The following H2BN1 variants were observed in gnomAD, a reference collection of about 807,000 sequenced individuals.
H2BN1 encodes histone H2B.N.
the H2BN1 span, among the ~76,000 whole-genome samples, chr17:32,899,493 G>T: frequency 3.9e-5 from 6 of 152,140 alleles, no homozygotes; most frequent in African/African-American, 1.2e-4. Context: ...TTCCTAAGGG[G>T]CTTTTATTGG....
the H2BN1 span, among the ~76,000 whole-genome samples, chr17:32,897,044 T>C: frequency 6.6e-6 from 1 of 152,184 alleles, no homozygotes; most frequent in Non-Finnish European, 1.5e-5. Flanking sequence ...CTCCCAAGGC[T>C]TGGGTCTGTG....
the H2BN1 span, among the ~76,000 whole-genome samples, chr17:32,900,743 G>A: frequency 1.3e-5 from 2 of 151,912 alleles, no homozygotes; most frequent in African/African-American, 2.4e-5. Flanking sequence ...CACCACACCT[G>A]GCTAATTTTT....
At chr17:32,902,155 CT>C in the H2BN1 span, among the ~76,000 whole-genome samples, 1 of 150,960 alleles carries the variant, frequency 6.6e-6, no homozygotes. Context: ...TTCTTCACAT[CT>C]TTCTTACTTC....
At chr17:32,906,413 C>T in the H2BN1 span, 1 of 152,144 alleles carries the variant, frequency 6.6e-6, no homozygotes, top group Middle Eastern at 3.2e-3. Flanking sequence ...TAAAATGACT[C>T]ACTTGTCAAA....
the H2BN1 span, among the ~76,000 whole-genome samples, chr17:32,900,252 G>C: frequency 6.6e-6 from 1 of 152,124 alleles, no homozygotes; most frequent in Non-Finnish European, 1.5e-5. Context: ...TATCATTTTA[G>C]ATTTGACTTG....
chr17:32,896,271 A>G, the H2BN1 span, among the ~76,000 whole-genome samples: 3 of 152,100 alleles, frequency 2.0e-5, no homozygotes, highest in Non-Finnish European at 4.4e-5. Context: ...TTTGCCACCT[A>G]GTCTGTTTTG....
At chr17:32,901,034 C>G in the H2BN1 span, among the ~76,000 whole-genome samples, 1 of 151,878 alleles carries the variant, frequency 6.6e-6, no homozygotes, top group Non-Finnish European at 1.5e-5. Flanking sequence ...ATGGTGAAAC[C>G]CTGTCTCTAC....
the H2BN1 span, among the ~76,000 whole-genome samples, chr17:32,897,416 G>C: frequency 6.8e-6 from 1 of 147,584 alleles, no homozygotes; most frequent in East Asian, 2.0e-4. Flanking sequence ...GCTGAGAGCA[G>C]TGTGAAAATA....
At chr17:32,905,689 T>C in the H2BN1 span, 5 of 152,182 alleles carry the variant, frequency 3.3e-5, no homozygotes, top group Non-Finnish European at 5.9e-5. Flanking sequence ...AATCAGTATG[T>C]ATAAGATGTA....
chr17:32,899,123 G>A, the H2BN1 span, among the ~76,000 whole-genome samples: 2 of 152,266 alleles, frequency 1.3e-5, no homozygotes, highest in Middle Eastern at 6.8e-3. Flanking sequence ...ATTTTTCTCT[G>A]TCTAGTTTAC....
the H2BN1 span, among the ~76,000 whole-genome samples, chr17:32,903,713 G>T: frequency 6.6e-6 from 1 of 152,254 alleles, no homozygotes. Context: ...CAAACTTAGG[G>T]CTCTTTTTCT....
chr17:32,897,891 A>C, the H2BN1 span, among the ~76,000 whole-genome samples: 1 of 152,256 alleles, frequency 6.6e-6, no homozygotes, highest in South Asian at 2.1e-4. Flanking sequence ...TGAAATATAA[A>C]GTGGGAAAGC....
chr17:32,895,642 G>A, the H2BN1 span, among the ~76,000 whole-genome samples: 2 of 152,138 alleles, frequency 1.3e-5, no homozygotes, highest in Non-Finnish European at 2.9e-5. Context: ...GCTTAGAATG[G>A]CCAAGAGAGG....
At chr17:32,903,282 T>C in the H2BN1 span, among the ~76,000 whole-genome samples, 1 of 152,028 alleles carries the variant, frequency 6.6e-6, no homozygotes, top group African/African-American at 2.4e-5. Context: ...AAAAACTTTT[T>C]TTTTCCTATC....
the H2BN1 span, chr17:32,906,184 C>T: frequency 6.6e-6 from 1 of 152,174 alleles, no homozygotes; most frequent in South Asian, 2.1e-4. Flanking sequence ...TGCCATTTCT[C>T]CCCTAGATCC....
At chr17:32,900,022 AAAC>A in the H2BN1 span, among the ~76,000 whole-genome samples, 2 of 152,374 alleles carry the variant, frequency 1.3e-5, no homozygotes, top group South Asian at 2.1e-4. Flanking sequence ...GGACCAAAGC[AAAC>A]AACAATTGTC....
At chr17:32,899,927 T>C in the H2BN1 span, among the ~76,000 whole-genome samples, 4 of 152,242 alleles carry the variant, frequency 2.6e-5, no homozygotes, top group Non-Finnish European at 5.9e-5. Context: ...TATTCTGATG[T>C]CACAGTCTCC....
chr17:32,896,174 C>T, the H2BN1 span, among the ~76,000 whole-genome samples: 1 of 152,130 alleles, frequency 6.6e-6, no homozygotes, highest in South Asian at 2.1e-4. Flanking sequence ...TGTTGGCCTC[C>T]CAAAGTGTTG....
At chr17:32,899,839 A>G in the H2BN1 span, among the ~76,000 whole-genome samples, 1 of 152,218 alleles carries the variant, frequency 6.6e-6, no homozygotes, top group Non-Finnish European at 1.5e-5. Flanking sequence ...TCAGAAGTCA[A>G]AAAGATTATT....
Sources: gnomAD v4.1 joint callset for allele counts (sites outside exome capture counted in the v4.1 genomes callset) on GRCh38, gnomAD v4.1.1 for gene constraint, MANE v1.5 for transcripts, NCBI Gene and HGNC (gene_info 2026-07-23, HGNC 2026-07-21) for gene names.